The following CRACR2A variants were observed in gnomAD, a reference collection of about 807,000 sequenced individuals.
CRACR2A encodes EF-hand calcium-binding domain-containing protein 4B.
In CRACR2A, 79 loss-of-function variants were observed where a neutral mutation model predicts 90.5. That is an observed-to-expected ratio of 0.87 (90% confidence interval 0.73 to 1.05). The LOEUF (loss-of-function observed/expected upper bound fraction) is 1.05. Among genes scored for constraint, CRACR2A ranks in the 50% least tolerant of loss-of-function variants. The pLI is 0.00. For synonymous variants in CRACR2A, 338 were observed against 356.7 expected (o/e 0.95, Z 0.59); for missense variants, 823 against 897.2 (o/e 0.92, Z 1.06).
At chr12:3,650,492 A>G (rs1458677314) in intron 10 of CRACR2A, among the ~76,000 whole-genome samples, 1 of 152,192 alleles carries the variant, frequency 6.6e-6, no homozygotes, top group Non-Finnish European at 1.5e-5. Context: ...GAAGTAAAAC[A>G]ATGTATTTCC....
rs543110015 is a variant in CRACR2A at position 3,645,668 on chromosome 12, TG to T, written c.1119-1029del. On this transcript the variant is annotated intron_variant, in intron 11 of 19. Coordinates refer to ENST00000440314, the MANE Select transcript of CRACR2A (RefSeq NM_001144958.2). ...AGCAACATGGAGGTCATTGGCAACC[TG>T]GGTAAGAACCGTTTTTTTGGAACAG... 1.4e-4 allele frequency among the ~76,000 whole-genome samples: 21 copies of T among 152,308 alleles called. No individual in the cohort carries two copies. In the East Asian group the frequency reaches 4.1e-3, roughly 29 times the overall value.
chr12:3,643,903 TATATATATTTATA>T (rs1565471150), intron 12 of CRACR2A, among the ~76,000 whole-genome samples: 1 of 97,530 alleles, frequency 1.0e-5, no homozygotes, highest in Non-Finnish European at 2.1e-5. Context: ...TAATATATAT[TATATATATTTATA>T]TTATATATAT....
At chr12:3,710,281 T>C (rs189523209) in intron 3 of CRACR2A, among the ~76,000 whole-genome samples, 19 of 152,284 alleles carry the variant, frequency 1.2e-4, no homozygotes, top group Admixed American at 1.1e-3. Flanking sequence ...CCCTTTCTGT[T>C]TGTCTGTGCT....
intron 4 of CRACR2A, among the ~76,000 whole-genome samples, chr12:3,687,662 A>C (rs1945584815): frequency 6.6e-6 from 1 of 152,130 alleles, no homozygotes; most frequent in Non-Finnish European, 1.5e-5. Context: ...GGACACATAC[A>C]TGTGTCTTTG....
intron 2 of CRACR2A, chr12:3,728,225 C>T (rs1254964453): frequency 6.6e-6 from 1 of 152,222 alleles, no homozygotes; most frequent in Non-Finnish European, 1.5e-5. Flanking sequence ...GACTGAGTTT[C>T]AACACTTTTG....
chr12:3,695,962 T>C (rs1225976335), intron 4 of CRACR2A, among the ~76,000 whole-genome samples: 2 of 152,226 alleles, frequency 1.3e-5, no homozygotes, highest in African/African-American at 4.8e-5. Context: ...ATCCCCTATT[T>C]TGGTGTGGCT....
chr12:3,669,695 AT>A (rs1218930781), intron 7 of CRACR2A, among the ~76,000 whole-genome samples: 1 of 152,126 alleles, frequency 6.6e-6, no homozygotes, highest in Admixed American at 6.5e-5. Flanking sequence ...GGCCTTAGCT[AT>A]TGAGGGCTTG....
intron 2 of CRACR2A, chr12:3,730,781 C>T (rs529953939): frequency 5.3e-5 from 8 of 152,160 alleles, no homozygotes; most frequent in African/African-American, 1.9e-4. Flanking sequence ...CTTTTATCTG[C>T]AAAAAGAAAT....
At chr12:3,718,959 T>C (rs11062773) in intron 2 of CRACR2A, among the ~76,000 whole-genome samples, 16,618 of 152,102 alleles carry the variant, frequency 0.11, 1,031 homozygotes, top group Middle Eastern at 0.2. Context: ...TGAGTTAGGG[T>C]TGAAAGTAGG....
At chr12:3,710,833 C>T (rs962720146) in intron 3 of CRACR2A, among the ~76,000 whole-genome samples, 11 of 151,432 alleles carry the variant, frequency 7.3e-5, no homozygotes, top group African/African-American at 2.4e-4. Context: ...AAAGATGGGA[C>T]GTTTACTAGG....
chr12:3,674,957 T>A (rs1945312897), intron 6 of CRACR2A, among the ~76,000 whole-genome samples: 1 of 152,254 alleles, frequency 6.6e-6, no homozygotes, highest in South Asian at 2.1e-4. Context: ...TGTTAAACTT[T>A]GAGACTTTAT....
chr12:3,725,847 A>C (rs1946254741), intron 2 of CRACR2A: 1 of 152,232 alleles, frequency 6.6e-6, no homozygotes, highest in African/African-American at 2.4e-5. Context: ...TCTCCCGGAC[A>C]GTACTTCATT....
intron 4 of CRACR2A, among the ~76,000 whole-genome samples, chr12:3,680,932 C>CAG (rs58346544): frequency 0.039 from 5,816 of 150,954 alleles, 369 homozygotes; most frequent in African/African-American, 0.13. Context: ...AGTAGGGAGG[C>CAG]AGAGAGAGAG....
chr12:3,619,161 T>C, intron 18 of CRACR2A, 110 bp downstream of exon 18: 1 of 801,048 alleles, frequency 1.2e-6, no homozygotes, highest in East Asian at 2.7e-5. Flanking sequence ...TCCAGTTGCT[T>C]CCTTCCCATG....
chr12:3,729,651 C>T (rs1946329034), intron 2 of CRACR2A: 1 of 152,214 alleles, frequency 6.6e-6, no homozygotes, highest in African/African-American at 2.4e-5. Context: ...TGCAGTGAGC[C>T]AAGATTGCAT....
intron 11 of CRACR2A, among the ~76,000 whole-genome samples, chr12:3,645,237 C>T (rs568441340): frequency 1.3e-5 from 2 of 152,180 alleles, no homozygotes; most frequent in Non-Finnish European, 2.9e-5. Context: ...TGGTCAGTGA[C>T]GCCCTCACTA....
chr12:3,658,889 G>A (rs1355874129), intron 8 of CRACR2A, among the ~76,000 whole-genome samples: 2 of 152,024 alleles, frequency 1.3e-5, no homozygotes, highest in Non-Finnish European at 2.9e-5. Context: ...GCAAAGAAGA[G>A]GATTTCGCCA....
At chr12:3,745,831 A>AT (rs1187522903) in intron 1 of CRACR2A, among the ~76,000 whole-genome samples, 1 of 150,324 alleles carries the variant, frequency 6.7e-6, no homozygotes, top group Non-Finnish European at 1.5e-5. Context: ...AAAATAAAGA[A>AT]AGAAAAGAGA....
intron 1 of CRACR2A, among the ~76,000 whole-genome samples, chr12:3,748,158 C>T (rs1946653276): frequency 6.6e-6 from 1 of 152,212 alleles, no homozygotes; most frequent in African/African-American, 2.4e-5. Flanking sequence ...TCCACTTTCC[C>T]ACAAGTTCTC....
Sources: allele counts gnomAD v4.1 joint callset (sites outside exome capture counted in the v4.1 genomes callset), GRCh38; gene constraint gnomAD v4.1.1; transcripts MANE v1.5; gene names NCBI Gene and HGNC (gene_info 2026-07-23, HGNC 2026-07-21).